The following CACNA2D3 variants were observed in gnomAD, a reference collection of about 807,000 sequenced individuals.
CACNA2D3 encodes the protein voltage-dependent calcium channel subunit alpha-2/delta-3.
CACNA2D3 carries 60 observed loss-of-function variants against 160.6 expected under a neutral mutation model. The ratio of observed to expected loss-of-function variants is 0.37; its 90% CI spans 0.30 to 0.46. CACNA2D3 has a LOEUF of 0.46. CACNA2D3 is among the 20% of genes least tolerant of loss of function. The probability of loss-of-function intolerance (pLI) is 1.00; values close to 1 mark genes in which losing one functional copy is unlikely to be tolerated. For synonymous variants in CACNA2D3, 558 were observed against 492.9 expected, an observed-to-expected ratio of 1.13 and a Z score of -1.75; for missense variants, 1,205 against 1,365.0, an observed-to-expected ratio of 0.88 and a Z score of 1.85.
At chr3:54,285,059 C>T (rs912909556) in intron 2 of CACNA2D3, among the ~76,000 whole-genome samples, 1 of 152,180 alleles carries the variant, frequency 6.6e-6, no homozygotes, top group African/African-American at 2.4e-5. Flanking sequence ...GTTCATCTTA[C>T]TAGGGAGTGC....
intron 9 of CACNA2D3, among the ~76,000 whole-genome samples, chr3:54,614,362 A>C (rs947579705): frequency 6.6e-6 from 1 of 152,152 alleles, no homozygotes; most frequent in Admixed American, 6.5e-5. Flanking sequence ...TATTTCATCA[A>C]ATTGTTCTAA....
At chr3:54,184,920 G>A (rs1421071106) in intron 2 of CACNA2D3, among the ~76,000 whole-genome samples, 1 of 152,208 alleles carries the variant, frequency 6.6e-6, no homozygotes, top group Non-Finnish European at 1.5e-5. Flanking sequence ...TGACTTCTTA[G>A]TGACCAGGGA....
At chr3:54,656,705 A>G (rs68045728) in intron 11 of CACNA2D3, among the ~76,000 whole-genome samples, 21,402 of 152,212 alleles carry the variant, frequency 0.14, 1,668 homozygotes, top group African/African-American at 0.21. Flanking sequence ...ACAAGGTGCA[A>G]TCAAATCGCA....
rs575327677 is a variant in CACNA2D3 at position 54,211,724 on chromosome 3, C to T, written c.204+88130C>T. On this transcript the variant is annotated intron_variant, in intron 2 of 37. Coordinates refer to ENST00000474759, the MANE Select transcript of CACNA2D3 (RefSeq NM_018398.3). ...CTACTTTCATTTTATCGTTCTCTGT[C>T]GTTTGCTTCTTTACCAGTGTACGTA... is the stretch of plus-strand genomic sequence containing the variant. Among the ~76,000 whole-genome samples the T allele has an allele frequency of 1.4e-4, 21 of 152,194 alleles. No homozygotes were observed. The South Asian group carries it at 1.5e-3, about 11-fold the overall frequency.
intron 27 of CACNA2D3, among the ~76,000 whole-genome samples, chr3:54,925,437 T>G (rs1465432830): frequency 1.3e-5 from 2 of 152,162 alleles, no homozygotes; most frequent in Non-Finnish European, 2.9e-5. Context: ...ACCTATCGTC[T>G]GAAGCCTTGA....
At chr3:54,278,839 TG>T (rs1179791809) in intron 2 of CACNA2D3, among the ~76,000 whole-genome samples, 12 of 150,600 alleles carry the variant, frequency 8.0e-5, no homozygotes, top group African/African-American at 2.7e-4. Context: ...TGTCGGGGGA[TG>T]GGGGGCAAGG....
chr3:54,668,647 A>G (rs1427556018), intron 11 of CACNA2D3, among the ~76,000 whole-genome samples: 1 of 152,218 alleles, frequency 6.6e-6, no homozygotes, highest in African/African-American at 2.4e-5. Context: ...AAATGTAAAT[A>G]TCTTCACCAA....
At chr3:54,235,569 C>T (rs574008941) in intron 2 of CACNA2D3, among the ~76,000 whole-genome samples, 9 of 152,272 alleles carry the variant, frequency 5.9e-5, no homozygotes, top group Non-Finnish European at 7.3e-5. Flanking sequence ...AATCCACCCC[C>T]GTGATCCAGT....
chr3:54,853,181 C>T (rs1457669073), intron 17 of CACNA2D3, among the ~76,000 whole-genome samples: 2 of 152,164 alleles, frequency 1.3e-5, no homozygotes, highest in Non-Finnish European at 2.9e-5. Context: ...AGAAGCCATA[C>T]TCCTCCATCA....
chr3:54,622,695 A>G (rs1440456315), intron 9 of CACNA2D3, among the ~76,000 whole-genome samples: 1 of 152,180 alleles, frequency 6.6e-6, no homozygotes, highest in Non-Finnish European at 1.5e-5. Context: ...TACAACGACC[A>G]CAACTGGGAG....
intron 3 of CACNA2D3, among the ~76,000 whole-genome samples, chr3:54,381,876 A>G (rs1699108035): frequency 1.3e-5 from 2 of 152,208 alleles, no homozygotes; most frequent in Admixed American, 6.5e-5. Context: ...TAGAAATATA[A>G]AAAGCCAGTG....
intron 9 of CACNA2D3, among the ~76,000 whole-genome samples, chr3:54,598,944 C>G (rs1703012377): frequency 6.6e-6 from 1 of 152,142 alleles, no homozygotes. Context: ...TGGCCAGCAT[C>G]TAATGTCCAA....
At chr3:54,722,531 C>T (rs181155593) in intron 11 of CACNA2D3, among the ~76,000 whole-genome samples, 122 of 152,298 alleles carry the variant, frequency 8.0e-4, no homozygotes, top group Middle Eastern at 3.4e-3. Context: ...GCTGGTTTCT[C>T]CCCATCTTTG....
intron 14 of CACNA2D3, among the ~76,000 whole-genome samples, chr3:54,826,765 A>G (rs1703758394): frequency 6.6e-6 from 1 of 150,762 alleles, no homozygotes; most frequent in South Asian, 2.1e-4. Flanking sequence ...AACTGCTTTC[A>G]TATTATTTAA....
At chr3:54,595,229 C>T (rs1304431677) in intron 9 of CACNA2D3, among the ~76,000 whole-genome samples, 1 of 151,864 alleles carries the variant, frequency 6.6e-6, no homozygotes, top group South Asian at 2.1e-4. Context: ...TATTTCTATC[C>T]ATCTGGGAAT....
intron 11 of CACNA2D3, among the ~76,000 whole-genome samples, chr3:54,752,102 G>A (rs562995555): frequency 1.3e-5 from 2 of 152,336 alleles, no homozygotes; most frequent in Admixed American, 6.5e-5. Context: ...TCTCATCCCA[G>A]TTAATTATCT....
chr3:54,809,311 C>CTTTTTTTTTTTTTTTTTTTTTTTTTTTT lies in CACNA2D3; in HGVS notation c.1381-7524_1381-7523insTTTTTTTTTTTTTTTTTTTTTTTTTTTT, dbSNP rs1217898723. On this transcript the variant is annotated intron_variant, in intron 13 of 37. Transcript: ENST00000474759. ...TCTTTCTTTCCTTCCTTCCTTCTTT[C>CTTTTTTTTTTTTTTTTTTTTTTTTTTTT]TTTTTTTTTTTTTTTTTTGAGACGG... Among the ~76,000 whole-genome samples the CTTTTTTTTTTTTTTTTTTTTTTTTTTTT allele has an allele frequency of 2.7e-4, 22 of 80,732 alleles. 1 individual carries two copies. Among genetic ancestry groups the CTTTTTTTTTTTTTTTTTTTTTTTTTTTT allele is most frequent in the Non-Finnish European group, 4.2e-4 (19 of 44,910 alleles). 53.0% of individuals were successfully genotyped at this position (80,732 alleles called of 152,430 possible).
chr3:54,286,453 A>G (rs368201734), intron 2 of CACNA2D3, among the ~76,000 whole-genome samples: 2 of 152,240 alleles, frequency 1.3e-5, no homozygotes, highest in East Asian at 1.9e-4. Flanking sequence ...CTACGTCTGA[A>G]TGGTGTACCT....
intron 17 of CACNA2D3, among the ~76,000 whole-genome samples, chr3:54,852,198 G>GA (rs565530669): frequency 5.3e-5 from 8 of 152,038 alleles, no homozygotes; most frequent in South Asian, 4.1e-4. Flanking sequence ...GTGGGAGGTT[G>GA]CCCAGAATTC....
Sources: gnomAD v4.1 joint callset for allele counts (sites outside exome capture counted in the v4.1 genomes callset) on GRCh38, gnomAD v4.1.1 for gene constraint, MANE v1.5 for transcripts, NCBI Gene and HGNC (gene_info 2026-07-23, HGNC 2026-07-21) for gene names.